HHAT: variants seen among roughly 807,000 people sequenced by gnomAD.
HHAT encodes hedgehog acyltransferase.
In HHAT, 47 loss-of-function variants were observed where a neutral mutation model predicts 70.8. The ratio of observed to expected loss-of-function variants is 0.66; its 90% confidence interval spans 0.53 to 0.85. HHAT has a LOEUF of 0.85. HHAT is among the 40% of genes least tolerant of loss of function. The pLI is 0.00. For missense variants in HHAT, 609 were observed against 604.8 expected (o/e 1.01, Z -0.07); for synonymous variants, 228 against 247.6 (o/e 0.92, Z 0.74).
chr1:210,408,112 T>C (rs1407066106), intron 6 of HHAT, among the ~76,000 whole-genome samples: 2 of 152,154 alleles, frequency 1.3e-5, no homozygotes, highest in Non-Finnish European at 2.9e-5. Context: ...TCCCTCAGGA[T>C]TGCTGTGAGG....
At chr1:210,350,596 C>T (rs1244803929) in intron 2 of HHAT, among the ~76,000 whole-genome samples, 2 of 152,176 alleles carry the variant, frequency 1.3e-5, no homozygotes, top group Non-Finnish European at 2.9e-5. Flanking sequence ...TATAGGAAAG[C>T]AATTGATTTT....
At chr1:210,557,941 A>G (rs1253474008) in intron 9 of HHAT, among the ~76,000 whole-genome samples, 1 of 152,154 alleles carries the variant, frequency 6.6e-6, no homozygotes, top group Non-Finnish European at 1.5e-5. Context: ...CCACATGGGC[A>G]TTTGGGCTCA....
intron 8 of HHAT, among the ~76,000 whole-genome samples, chr1:210,506,657 G>A (rs191751376): frequency 2.6e-5 from 4 of 152,254 alleles, no homozygotes; most frequent in Admixed American, 2.0e-4. Flanking sequence ...TCTTATTTCA[G>A]AAGAGAACCC....
chr1:210,673,967 TTTTTA>T (rs1574159192), intron 11 of HHAT, among the ~76,000 whole-genome samples: 1 of 150,560 alleles, frequency 6.6e-6, no homozygotes, highest in South Asian at 2.1e-4. Flanking sequence ...CTTTTTTTTT[TTTTTA>T]TTATACTTTA....
intron 3 of HHAT, among the ~76,000 whole-genome samples, chr1:210,378,876 T>A (rs1415981482): frequency 6.6e-6 from 1 of 152,244 alleles, no homozygotes; most frequent in East Asian, 1.9e-4. Flanking sequence ...ACTGTTTTCA[T>A]AATGCTTTTG....
chr1:210,605,993 C>G (rs1277626696), intron 10 of HHAT, among the ~76,000 whole-genome samples: 1 of 151,254 alleles, frequency 6.6e-6, no homozygotes, highest in Non-Finnish European at 1.5e-5. Context: ...AGTAGCGGGA[C>G]TACAGGTATG....
chr1:210,411,078 T>C (rs937341140), intron 6 of HHAT, among the ~76,000 whole-genome samples: 5 of 152,194 alleles, frequency 3.3e-5, no homozygotes, highest in African/African-American at 1.2e-4. Flanking sequence ...AATGCACATG[T>C]TTGAGGAGGG....
chr1:210,402,407 G>C (rs2092122000), intron 5 of HHAT, among the ~76,000 whole-genome samples: 1 of 152,170 alleles, frequency 6.6e-6, no homozygotes, highest in Admixed American at 6.5e-5. Flanking sequence ...AGGCCAATCT[G>C]CTTACCTTTC....
intron 3 of HHAT, among the ~76,000 whole-genome samples, 187 bp downstream of exon 3, chr1:210,363,106 C>G (rs550647727): frequency 6.6e-6 from 1 of 152,228 alleles, no homozygotes; most frequent in Admixed American, 6.5e-5. Flanking sequence ...ATGTTCTTGT[C>G]CCCTGTACTC....
At chr1:210,360,094 T>C (rs1458221281) in intron 2 of HHAT, among the ~76,000 whole-genome samples, 1 of 152,186 alleles carries the variant, frequency 6.6e-6, no homozygotes, top group Non-Finnish European at 1.5e-5. Flanking sequence ...TGTGGAAAGA[T>C]GTCCTGCCAC....
At chr1:210,493,178 A>G (rs1453205588) in intron 8 of HHAT, among the ~76,000 whole-genome samples, 1 of 152,064 alleles carries the variant, frequency 6.6e-6, no homozygotes, top group Non-Finnish European at 1.5e-5. Context: ...AGGGAGATCT[A>G]TGGGTCTTAT....
intron 9 of HHAT, among the ~76,000 whole-genome samples, chr1:210,530,939 A>G (rs2095308411): frequency 6.6e-6 from 1 of 152,224 alleles, no homozygotes; most frequent in South Asian, 2.1e-4. Context: ...TTTCCTGTTT[A>G]CCAATTAGTC....
At chr1:210,441,427 C>T (rs2206609) in intron 7 of HHAT, among the ~76,000 whole-genome samples, 35,474 of 152,064 alleles carry the variant, frequency 0.23, 4,487 homozygotes, top group Admixed American at 0.36. Context: ...AGACCTTGCT[C>T]GCTTTTCCAA....
intron 9 of HHAT, among the ~76,000 whole-genome samples, chr1:210,532,288 A>T (rs904396422): frequency 8.5e-5 from 13 of 152,158 alleles, no homozygotes; most frequent in African/African-American, 3.1e-4. Context: ...ACACAGGCCA[A>T]TTTTTCAGTT....
intron 9 of HHAT, among the ~76,000 whole-genome samples, chr1:210,554,923 G>T (rs1400488349): frequency 6.6e-6 from 1 of 152,034 alleles, no homozygotes; most frequent in East Asian, 1.9e-4. Flanking sequence ...CCATCCTGCT[G>T]GTGTTTTCTC....
At chr1:210,380,463 T>A (rs1268342006) in intron 3 of HHAT, among the ~76,000 whole-genome samples, 1 of 151,896 alleles carries the variant, frequency 6.6e-6, no homozygotes, top group Non-Finnish European at 1.5e-5. Context: ...TCACTTGAAC[T>A]CAGGAGGCGG....
rs1553326938 is a variant in HHAT, at chr1:210,365,315, T to TTTTTTTTG, written c.159+2403_159+2404insGTTTTTTT. 2.0e-4 allele frequency among the ~76,000 whole-genome samples: 25 copies of TTTTTTTTG among 124,206 alleles called. 1 individual carries two copies. The highest frequency in any genetic ancestry group is 1.7e-3 in the South Asian group (6 of 3,558). 81.5% of individuals were successfully genotyped at this position (124,206 alleles called of 152,430 possible). On this transcript the variant is annotated intron_variant, in intron 3 of 11. Transcript: ENST00000261458. Reference sequence around the variant, plus strand: ...AACCTCAGTACTGCTGACAGTTTTTTTTTTTTTTTTTTTTTTTTTGAGACG... The same window carrying TTTTTTTTG: ...AACCTCAGTACTGCTGACAGTTTTTTTTTTTTTGTTTTTTTTTTTTTTTTTTTGAGACG...
chr1:210,459,590 C>T (rs1215749925), intron 7 of HHAT, among the ~76,000 whole-genome samples: 1 of 152,134 alleles, frequency 6.6e-6, no homozygotes, highest in Non-Finnish European at 1.5e-5. Context: ...CAAGAGGAAG[C>T]AGGGTGGCTG....
At chr1:210,536,815 T>G (rs1342217948) in intron 9 of HHAT, among the ~76,000 whole-genome samples, 6 of 152,172 alleles carry the variant, frequency 3.9e-5, no homozygotes, top group African/African-American at 1.4e-4. Context: ...TTCTTTGTTG[T>G]GGGAGCTCTC....
Sources: gnomAD v4.1 joint callset for allele counts (sites outside exome capture counted in the v4.1 genomes callset) on GRCh38, gnomAD v4.1.1 for gene constraint, MANE v1.5 for transcripts, NCBI Gene and HGNC (gene_info 2026-07-23, HGNC 2026-07-21) for gene names.